SH3GL2: variants seen among roughly 807,000 people sequenced by gnomAD.
SH3GL2 encodes endophilin-A1.
A neutral mutation model predicts 46.0 loss-of-function variants in SH3GL2; 24 were observed. That is an observed-to-expected ratio of 0.52 (90% CI 0.38 to 0.73). The LOEUF is 0.73. SH3GL2 is among the 30% of genes least tolerant of loss of function. The pLI, the probability that SH3GL2 is intolerant of heterozygous loss-of-function variation, is 0.00. For synonymous variants in SH3GL2, 196 were observed against 147.1 expected, an observed-to-expected ratio of 1.33 and a Z score of -2.40; for missense variants, 413 against 424.2, an observed-to-expected ratio of 0.97 and a Z score of 0.23.
chr9:17,720,750 T>C (rs1337017216), intron 1 of SH3GL2, among the ~76,000 whole-genome samples: 1 of 152,156 alleles, frequency 6.6e-6, no homozygotes, highest in Non-Finnish European at 1.5e-5. Flanking sequence ...CACTCAGTTT[T>C]CTAAATTTAA....
At chr9:17,667,933 T>C (rs913793862) in intron 1 of SH3GL2, among the ~76,000 whole-genome samples, 1 of 152,258 alleles carries the variant, frequency 6.6e-6, no homozygotes, top group Admixed American at 6.5e-5. Flanking sequence ...CATGTGCATA[T>C]TGGTCATTTG....
chr9:17,660,385 C>T (rs1820182837), intron 1 of SH3GL2, among the ~76,000 whole-genome samples: 1 of 152,176 alleles, frequency 6.6e-6, no homozygotes, highest in Non-Finnish European at 1.5e-5. Context: ...CTGCTGCTGC[C>T]TACAGCGTTC....
At chr9:17,663,296 T>A (rs993307723) in intron 1 of SH3GL2, among the ~76,000 whole-genome samples, 4 of 152,242 alleles carry the variant, frequency 2.6e-5, no homozygotes, top group African/African-American at 9.6e-5. Context: ...GATTGTTATG[T>A]TGGGATTTAT....
chr9:17,677,269 T>C (rs1216068837), intron 1 of SH3GL2, among the ~76,000 whole-genome samples: 2 of 152,228 alleles, frequency 1.3e-5, no homozygotes, highest in Non-Finnish European at 2.9e-5. Flanking sequence ...ATGTTCACAT[T>C]CACTGTATAA....
chr9:17,642,765 G>A (rs1819715691), intron 1 of SH3GL2, among the ~76,000 whole-genome samples: 1 of 152,148 alleles, frequency 6.6e-6, no homozygotes, highest in Non-Finnish European at 1.5e-5. Flanking sequence ...GCCTTGTATA[G>A]TTTGAAGTCA....
chr9:17,755,877 T>C, intron 2 of SH3GL2: 1 of 486,780 alleles, frequency 2.1e-6, no homozygotes, highest in Non-Finnish European at 2.7e-6. Flanking sequence ...ATTCTAGTCA[T>C]TTCCATGCCT....
At chr9:17,703,356 C>A (rs1212446981) in intron 1 of SH3GL2, among the ~76,000 whole-genome samples, 1 of 151,852 alleles carries the variant, frequency 6.6e-6, no homozygotes, top group Non-Finnish European at 1.5e-5. Context: ...GTAATAATCA[C>A]AAGTTTGAAT....
chr9:17,784,082 A>G lies in SH3GL2; in HGVS notation c.188-2299A>G, dbSNP rs569749666. On this transcript the variant is annotated intron_variant, in intron 3 of 8. Coordinates refer to ENST00000380607, the MANE Select transcript of SH3GL2 (RefSeq NM_003026.5). ...TTCTTAATATGTAATAAATTTGTGA[A>G]TGAACTTAAAAGCTAGTCTCTTCAG... Among the ~76,000 whole-genome samples, 77 of 152,304 alleles carry G rather than the reference A, an allele frequency of 5.1e-4. No homozygotes were observed. In the Middle Eastern group the frequency reaches 0.01, roughly 20 times the overall value.
intron 3 of SH3GL2, among the ~76,000 whole-genome samples, chr9:17,763,391 T>G (rs1022850845): frequency 6.6e-6 from 1 of 152,132 alleles, no homozygotes; most frequent in African/African-American, 2.4e-5. Flanking sequence ...AGATGAACTC[T>G]TCCTAGATTT....
chr9:17,619,324 C>T (rs1369588868), intron 1 of SH3GL2, among the ~76,000 whole-genome samples: 1 of 152,084 alleles, frequency 6.6e-6, no homozygotes, highest in African/African-American at 2.4e-5. Flanking sequence ...TGAGAATTTC[C>T]CCTGTTGTCT....
In SH3GL2 at chr9:17,684,933, C is replaced by T. The variant is rs190675519; in HGVS notation, c.46-62133C>T. 1.2e-3 allele frequency among the ~76,000 whole-genome samples: 177 copies of T among 152,252 alleles called. 1 individual carries two copies. Among genetic ancestry groups the T allele is most frequent in the African/African-American group, 4.0e-3 (168 of 41,562 alleles). ...ATGGAAATGAAGATAAGGCTCTGGTCTCAACCACATTGATCTGAACTGACA... is the reference window on the plus strand; with the variant it reads ...ATGGAAATGAAGATAAGGCTCTGGTTTCAACCACATTGATCTGAACTGACA... On this transcript the variant is annotated intron_variant, in intron 1 of 8. Transcript: ENST00000380607.
chr9:17,711,408 C>T (rs879854269), intron 1 of SH3GL2, among the ~76,000 whole-genome samples: 2 of 151,748 alleles, frequency 1.3e-5, no homozygotes, highest in Non-Finnish European at 2.9e-5. Context: ...TCACTGAAAT[C>T]CAGAAAGCGA....
At chr9:17,754,120 C>T (rs1214105904) in intron 2 of SH3GL2, among the ~76,000 whole-genome samples, 2 of 152,150 alleles carry the variant, frequency 1.3e-5, no homozygotes, top group African/African-American at 2.4e-5. Flanking sequence ...CATGATGACT[C>T]CAGCTTCGTT....
At chr9:17,746,939 C>G (rs144929253) in intron 1 of SH3GL2, 127 bp from the exon 2 acceptor site, 8,775 of 640,892 alleles carry the variant, frequency 0.014, 90 homozygotes, top group South Asian at 0.024. Context: ...AAATGAGACT[C>G]TCCACCTAAG....
chr9:17,609,518 C>T (rs1459024014), intron 1 of SH3GL2, among the ~76,000 whole-genome samples: 1 of 152,052 alleles, frequency 6.6e-6, no homozygotes. Context: ...GGGGCCACCT[C>T]CCTGCAGCTG....
chr9:17,775,513 A>T (rs940668300), intron 3 of SH3GL2, among the ~76,000 whole-genome samples: 1 of 152,290 alleles, frequency 6.6e-6, no homozygotes, highest in African/African-American at 2.4e-5. Flanking sequence ...TAGTTATAGG[A>T]TGAAATCTGG....
rs1823960511 is a variant in SH3GL2 at position 17,786,469 on chromosome 9, G to A, written c.276G>A (p.Leu92=). 5 of 1,613,374 alleles carry A rather than the reference G, an allele frequency of 3.1e-6. No homozygotes were observed. The South Asian group carries it at 5.5e-5, about 18-fold the overall frequency. ...KGPGYPQAEA[L]LAEAMLKFGR... ...CAGGCTATCCTCAGGCAGAGGCGCT[G>A]CTGGCAGAGGCCATGCTCAAATTTG... Residue 92 remains leucine (L), a synonymous_variant, in exon 4 of 9, where the codon CTG becomes CTA. Coordinates refer to ENST00000380607, the MANE Select transcript of SH3GL2 (RefSeq NM_003026.5).
intron 1 of SH3GL2, among the ~76,000 whole-genome samples, chr9:17,707,181 TGAC>T (rs1821492724): frequency 6.6e-6 from 1 of 152,010 alleles, no homozygotes; most frequent in African/African-American, 2.4e-5. Flanking sequence ...GCAAGACCCT[TGAC>T]TCTCTGATTC....
Position 17,791,340 on chromosome 9 carries a change from C to G in SH3GL2, c.728+6C>G, listed in dbSNP as rs1402683598. On this transcript the variant is annotated splice_donor_region_variant and intron_variant, in intron 7 of 8. Coordinates refer to ENST00000380607, the MANE Select transcript of SH3GL2 (RefSeq NM_003026.5). ...ACGGTCAGACTGGAAGAAAGGTATT[C>G]TACAGTTCCCTGCATTTCACATTTG... 6.5e-7 allele frequency: 1 copy of G among 1,547,868 alleles called. No homozygotes were observed. The highest frequency in any genetic ancestry group is 1.1e-5 in the South Asian group (1 of 89,688).
Sources: allele counts gnomAD v4.1 joint callset (sites outside exome capture counted in the v4.1 genomes callset), GRCh38; gene constraint gnomAD v4.1.1; transcripts MANE v1.5; gene names NCBI Gene and HGNC (gene_info 2026-07-23, HGNC 2026-07-21).